The following HCN1 variants were observed in gnomAD, a reference collection of about 807,000 sequenced individuals.
HCN1 encodes the protein potassium/sodium hyperpolarization-activated cyclic nucleotide-gated channel 1.
A neutral mutation model predicts 78.9 loss-of-function variants in HCN1; 13 were observed. That is an observed-to-expected ratio of 0.16 (90% CI 0.11 to 0.26). HCN1 has a LOEUF of 0.26. HCN1 is among the 10% of genes least tolerant of loss of function. The pLI is 1.00. For missense variants in HCN1, 810 were observed against 1,154.3 expected (o/e 0.70, Z 4.32); for synonymous variants, 552 against 455.5 (o/e 1.21, Z -2.70).
intron 2 of HCN1, among the ~76,000 whole-genome samples, chr5:45,499,555 C>T (rs906835996): frequency 1.4e-4 from 21 of 152,280 alleles, no homozygotes; most frequent in Admixed American, 9.8e-4. Flanking sequence ...TCTTCTGCGT[C>T]GCTTACGCTG....
At chr5:45,383,195 T>C (rs1007889373) in intron 4 of HCN1, among the ~76,000 whole-genome samples, 4 of 152,204 alleles carry the variant, frequency 2.6e-5, no homozygotes, top group African/African-American at 7.2e-5. Context: ...TTTTCTACTA[T>C]ACCAATTGAT....
intron 3 of HCN1, among the ~76,000 whole-genome samples, chr5:45,449,861 A>G (rs575027952): frequency 2.0e-5 from 3 of 152,214 alleles, no homozygotes; most frequent in Admixed American, 6.5e-5. Flanking sequence ...TTTGAGACGG[A>G]GTCTCACACT....
Position 45,566,516 on chromosome 5 carries a change from C to T in HCN1, c.849+78669G>A, listed in dbSNP as rs1994148. Reference sequence around the variant, plus strand: ...TCATTTAATGCCTCATATCAAAGGGCAGCTGCAGCTTTATACATCAAAATC... The same window carrying T: ...TCATTTAATGCCTCATATCAAAGGGTAGCTGCAGCTTTATACATCAAAATC... On this transcript the variant is annotated intron_variant, in intron 2 of 7. Transcript: ENST00000303230. Among the ~76,000 whole-genome samples the T allele has an allele frequency of 1.9e-3, 294 of 152,120 alleles. 1 individual carries two copies. Among genetic ancestry groups the T allele is most frequent in the African/African-American group, 6.8e-3 (282 of 41,502 alleles).
chr5:45,352,869 G>A (rs1466962560), intron 5 of HCN1, among the ~76,000 whole-genome samples: 2 of 151,956 alleles, frequency 1.3e-5, no homozygotes, highest in Non-Finnish European at 2.9e-5. Context: ...ATTTTAAAGA[G>A]CCAGAAATAC....
chr5:45,450,281 G>T (rs1740891247), intron 3 of HCN1, among the ~76,000 whole-genome samples: 1 of 152,168 alleles, frequency 6.6e-6, no homozygotes, highest in South Asian at 2.1e-4. Context: ...TGAAACTGAA[G>T]CAAAGTTTGA....
chr5:45,469,756 GAAT>G (rs1215372951), intron 2 of HCN1, among the ~76,000 whole-genome samples: 1 of 151,500 alleles, frequency 6.6e-6, no homozygotes, highest in Non-Finnish European at 1.5e-5. Flanking sequence ...ACATTAAAAA[GAAT>G]AATTAAAAAT....
chr5:45,378,661 T>A (rs1747740253), intron 4 of HCN1, among the ~76,000 whole-genome samples: 1 of 152,200 alleles, frequency 6.6e-6, no homozygotes, highest in Non-Finnish European at 1.5e-5. Context: ...CTAGGGTACA[T>A]GTGCACAACG....
rs1446638524 is a variant in HCN1, at chr5:45,260,240, C to T, written c.*1681G>A. The T allele has an allele frequency of 3.3e-5, 5 of 152,166 alleles. No individual in the cohort carries two copies. The highest frequency in any genetic ancestry group is 9.7e-5 in the African/African-American group (4 of 41,442). 9.4% of individuals were successfully genotyped at this position (152,166 alleles called of 1,614,324 possible). ...CCAGTGCCAGAGATACTGAAGACCTCCACTTTAAGTCATGCTCTTAACTTG... is the reference window on the plus strand; with the variant it reads ...CCAGTGCCAGAGATACTGAAGACCTTCACTTTAAGTCATGCTCTTAACTTG... On this transcript the variant is annotated 3_prime_UTR_variant, in exon 8 of 8. Coordinates refer to ENST00000303230, the MANE Select transcript of HCN1 (RefSeq NM_021072.4).
chr5:45,352,265 T>C (rs1044001192), intron 5 of HCN1, among the ~76,000 whole-genome samples: 1 of 151,698 alleles, frequency 6.6e-6, no homozygotes, highest in African/African-American at 2.4e-5. Context: ...CTCAGTAAAC[T>C]ATCGGAAGGA....
chr5:45,664,334 C>A (rs1475358534), intron 1 of HCN1, among the ~76,000 whole-genome samples: 4 of 142,162 alleles, frequency 2.8e-5, no homozygotes, highest in African/African-American at 1.1e-4. Flanking sequence ...GGAGGGATAG[C>A]ATTGGGAGAT....
At chr5:45,591,574 G>A (rs1453377423) in intron 2 of HCN1, among the ~76,000 whole-genome samples, 1 of 152,124 alleles carries the variant, frequency 6.6e-6, no homozygotes, top group Non-Finnish European at 1.5e-5. Context: ...CATCTTTTTG[G>A]TGAAGTGTTT....
chr5:45,652,473 T>C (rs1350066773), intron 1 of HCN1, among the ~76,000 whole-genome samples: 1 of 151,988 alleles, frequency 6.6e-6, no homozygotes, highest in African/African-American at 2.4e-5. Flanking sequence ...CCAACTCTTC[T>C]TCCTTCTATT....
rs904600461 is a variant in HCN1 at position 45,465,251 on chromosome 5, A to G, written c.850-3244T>C. Among the ~76,000 whole-genome samples, 14 of 152,136 alleles carry G rather than the reference A, an allele frequency of 9.2e-5. No individual in the cohort carries two copies. The South Asian group carries it at 1.2e-3, about 14-fold the overall frequency. ...TTTGCTTCTGTATCTTAAACAAGGG[A>G]ATTAAAACAAACAAAAAAATCAAAA... is the stretch of plus-strand genomic sequence containing the variant. On this transcript the variant is annotated intron_variant, in intron 2 of 7. Coordinates refer to ENST00000303230, the MANE Select transcript of HCN1 (RefSeq NM_021072.4).
intron 3 of HCN1, among the ~76,000 whole-genome samples, chr5:45,408,493 C>T (rs1216025792): frequency 6.6e-6 from 1 of 152,074 alleles, no homozygotes; most frequent in African/African-American, 2.4e-5. Flanking sequence ...GAGCAATAGG[C>T]CATACCATAT....
At chr5:45,666,389 T>C (rs1377764079) in intron 1 of HCN1, among the ~76,000 whole-genome samples, 3 of 152,066 alleles carry the variant, frequency 2.0e-5, no homozygotes, top group Admixed American at 2.0e-4. Context: ...TGGGCATAAA[T>C]TCTCATAAGC....
chr5:45,404,668 G>A (rs1739884452), intron 3 of HCN1, among the ~76,000 whole-genome samples: 1 of 123,408 alleles, frequency 8.1e-6, no homozygotes, highest in South Asian at 2.7e-4. Flanking sequence ...ACTAAATTTA[G>A]GGAGTCAGGA....
chr5:45,397,058 A>G (rs1249492969), intron 3 of HCN1, among the ~76,000 whole-genome samples: 2 of 152,172 alleles, frequency 1.3e-5, no homozygotes, highest in African/African-American at 4.8e-5. Context: ...TAGTATTAAT[A>G]ATATATTTGC....
chr5:45,657,515 T>A (rs1244453072), intron 1 of HCN1, among the ~76,000 whole-genome samples: 5 of 152,186 alleles, frequency 3.3e-5, no homozygotes, highest in Non-Finnish European at 5.9e-5. Context: ...TTAGAGGAAA[T>A]TTTTAAATTA....
At chr5:45,530,041 G>A (rs1185927025) in intron 2 of HCN1, among the ~76,000 whole-genome samples, 1 of 151,942 alleles carries the variant, frequency 6.6e-6, no homozygotes, top group Non-Finnish European at 1.5e-5. Flanking sequence ...TGTCTAATCT[G>A]TTAAACATAA....
Sources: gnomAD v4.1 joint callset for allele counts (sites outside exome capture counted in the v4.1 genomes callset) on GRCh38, gnomAD v4.1.1 for gene constraint, MANE v1.5 for transcripts, NCBI Gene and HGNC (gene_info 2026-07-23, HGNC 2026-07-21) for gene names.